The following PCF11 variants were observed in gnomAD, a reference collection of about 807,000 sequenced individuals.
The protein encoded by PCF11 is pre-mRNA cleavage complex 2 protein Pcf11.
PCF11 carries 19 observed loss-of-function variants against 166.1 expected under a neutral mutation model. That is an observed-to-expected ratio of 0.11 (90% CI 0.08 to 0.17). The LOEUF is 0.17. Ranked by LOEUF, PCF11 falls within the 10% of genes least tolerant of loss-of-function variation. The probability of loss-of-function intolerance (pLI) is 1.00; values close to 1 mark genes in which losing one functional copy is unlikely to be tolerated. For missense variants in PCF11, 1,565 were observed against 1,855.5 expected (o/e 0.84, Z 2.88); for synonymous variants, 663 against 644.1 (o/e 1.03, Z -0.44).
At chr11:83,171,884 C>A in exon 9 of PCF11, 1 of 1,593,860 alleles carries the variant, frequency 6.3e-7, no homozygotes, top group Non-Finnish European at 8.6e-7. Context: ...AGTTCATCCA[C>A]AAAATCCTGG....
rs1431666712 is a variant in PCF11 at position 83,179,302 on chromosome 11, T to C, written c.3983+1483T>C. ...TCTCACTCTGTCACCCAGGCTAGAG[T>C]GCAGTGGCCCTGTCTTGGCTCATTG... is the stretch of plus-strand genomic sequence containing the variant. On this transcript the variant is annotated intron_variant, in intron 11 of 15. Coordinates refer to ENST00000298281, the Ensembl canonical transcript of PCF11. Among the ~76,000 whole-genome samples, 6 of 151,896 alleles carry C rather than the reference T, an allele frequency of 4.0e-5. No individual in the cohort carries two copies. In the East Asian group the frequency reaches 5.8e-4, roughly 15 times the overall value.
chr11:83,178,371 A>T (rs1860958270), intron 11 of PCF11, among the ~76,000 whole-genome samples: 1 of 152,072 alleles, frequency 6.6e-6, no homozygotes, highest in Non-Finnish European at 1.5e-5. Context: ...AGGGAGTTTA[A>T]ATATTAGGTA....
At chr11:83,183,493 T>C (rs1334137083) in intron 15 of PCF11, among the ~76,000 whole-genome samples, 1 of 152,146 alleles carries the variant, frequency 6.6e-6, no homozygotes. Context: ...TATATTCTTT[T>C]TGTTGTTTTG....
intron 12 of PCF11, among the ~76,000 whole-genome samples, chr11:83,181,614 AT>A (rs1412602348): frequency 2.0e-5 from 3 of 151,426 alleles, no homozygotes; most frequent in Non-Finnish European, 2.9e-5. Flanking sequence ...AAAAAAAAAA[AT>A]ATACTTGAAG....
chr11:83,166,610 T>A, exon 5 of PCF11: 2 of 1,613,714 alleles, frequency 1.2e-6, no homozygotes, highest in Non-Finnish European at 1.7e-6. Context: ...AAACTACAAA[T>A]CAGCATTCTA....
At chr11:83,168,222 AATT>A (rs1296726163) in intron 7 of PCF11, among the ~76,000 whole-genome samples, 1 of 152,200 alleles carries the variant, frequency 6.6e-6, no homozygotes, top group East Asian at 1.9e-4. Context: ...AAAATGAAAT[AATT>A]AGTATGTTGA....
intron 1 of PCF11, among the ~76,000 whole-genome samples, chr11:83,160,568 T>A (rs1295911699): frequency 2.0e-5 from 3 of 152,026 alleles, no homozygotes; most frequent in Non-Finnish European, 4.4e-5. Context: ...ACACTGGCTC[T>A]GCACAAATTT....
intron 1 of PCF11, among the ~76,000 whole-genome samples, chr11:83,160,321 GTTTTTTTTT>G (rs35201107): frequency 6.6e-5 from 6 of 91,268 alleles, no homozygotes; most frequent in African/African-American, 8.5e-5. Context: ...GATAACCTAA[GTTTTTTTTT>G]TTTTTTTTTT....
intron 8 of PCF11, 75 bp downstream of exon 8, chr11:83,170,070 A>G (rs1860633027): frequency 2.4e-6 from 3 of 1,241,748 alleles, no homozygotes; most frequent in East Asian, 2.5e-5. Context: ...GAGGGTTTTC[A>G]GGACATAGTT....
At chr11:83,176,413 A>G (rs1860880901) in intron 9 of PCF11, among the ~76,000 whole-genome samples, 1 of 152,198 alleles carries the variant, frequency 6.6e-6, no homozygotes, top group Non-Finnish European at 1.5e-5. Context: ...ACTATTCACA[A>G]TAGCAAAGAC....
exon 8 of PCF11, chr11:83,168,749 G>T (rs1369409897): frequency 6.2e-7 from 1 of 1,613,944 alleles, no homozygotes; most frequent in Non-Finnish European, 8.5e-7. Context: ...GGCCCTTTGA[G>T]ATTTGAGGGG....
rs1860489353 is a variant in PCF11, at chr11:83,167,036, C to T, written c.1818-89C>T. 1 of 1,070,166 alleles carries T rather than the reference C, an allele frequency of 9.3e-7. No homozygotes were observed. The allele number at this position is 1,070,166 out of a possible 1,614,324, so 66.3% of individuals were successfully genotyped here. On this transcript the variant is annotated intron_variant, in intron 5 of 15. Transcript: ENST00000298281. This position sits in a 1 kb window ranked among gnomAD's most constrained non-coding sequence, Gnocchi z 4.2. ...TTGTGGTTACATATGCCCATTTTAACCATATCCTTTGAAAAGAATCTTTAA... is the reference window on the plus strand; with the variant it reads ...TTGTGGTTACATATGCCCATTTTAATCATATCCTTTGAAAAGAATCTTTAA...
intron 9 of PCF11, among the ~76,000 whole-genome samples, chr11:83,175,264 C>A (rs80251433): frequency 0.1 from 15,414 of 152,118 alleles, 904 homozygotes; most frequent in Middle Eastern, 0.21. Flanking sequence ...TTCTGAGTAG[C>A]TGGATTACAG....
At chr11:83,186,374 C>T (rs1241136234) in exon 16 of PCF11, 3 of 152,174 alleles carry the variant, frequency 2.0e-5, no homozygotes, top group African/African-American at 7.2e-5. Context: ...ATGGTTAAAA[C>T]TCAGTAGTTT....
At chr11:83,165,851 A>G in exon 5 of PCF11, 1 of 1,608,250 alleles carries the variant, frequency 6.2e-7, no homozygotes, top group African/African-American at 1.3e-5. Flanking sequence ...AAGAATTTCT[A>G]ATGAACACAT....
At chr11:83,174,300 A>G (rs1860800318) in intron 9 of PCF11, among the ~76,000 whole-genome samples, 1 of 152,134 alleles carries the variant, frequency 6.6e-6, no homozygotes, top group African/African-American at 2.4e-5. Flanking sequence ...TCAGACATAT[A>G]TTAGTCATCT....
At chr11:83,181,400 AT>A (rs1190809041) in intron 12 of PCF11, among the ~76,000 whole-genome samples, 35 of 148,310 alleles carry the variant, frequency 2.4e-4, no homozygotes, top group Admixed American at 4.7e-4. Context: ...TTTGAAGAGT[AT>A]TTTTTTTTTT....
chr11:83,161,288 A>T (rs773593545), intron 1 of PCF11, 39 bp from the exon 2 acceptor site: 8 of 1,518,260 alleles, frequency 5.3e-6, no homozygotes, highest in Admixed American at 4.2e-5. Context: ...ATTTGGTGGT[A>T]ATTCATTATA....
rs1481003963 is a variant in PCF11 at position 83,165,753 on chromosome 11, C to A, written c.856C>A (p.Gln286Lys). Reference sequence around the variant, plus strand: ...GAAAAGCCGTCCAGGACCATCCTTACAAATTCAGGATTTAAAAGGAACTAA... The same window carrying A: ...GAAAAGCCGTCCAGGACCATCCTTAAAAATTCAGGATTTAAAAGGAACTAA... Residue 286 changes from glutamine (Q) to lysine (K), a missense_variant, in exon 5 of 16, where the codon CAA becomes AAA. Around this residue, in one of 12 missense-constraint regions of PCF11, gnomAD observed 468 missense variants for 483.4 expected, o/e 0.97. Transcript: ENST00000298281. 1.9e-6 allele frequency: 3 copies of A among 1,613,308 alleles called. No individual in the cohort carries two copies. Among genetic ancestry groups the A allele is most frequent in the East Asian group, 4.5e-5 (2 of 44,878 alleles).
Sources: allele counts gnomAD v4.1 joint callset (sites outside exome capture counted in the v4.1 genomes callset), GRCh38; gene constraint gnomAD v4.1.1; regional missense constraint gnomAD v4.1.1; non-coding constraint Gnocchi (gnomAD v3.1); transcripts MANE v1.5; gene names NCBI Gene and HGNC (gene_info 2026-07-23, HGNC 2026-07-21).